The following PRDM10 variants were observed in gnomAD, a reference collection of about 807,000 sequenced individuals.
PRDM10 encodes PR/SET domain 10, also known as PR domain zinc finger protein 10.
PRDM10 carries 65 observed loss-of-function variants against 133.1 expected under a neutral mutation model. The ratio of observed to expected loss-of-function variants is 0.49; its 90% CI spans 0.40 to 0.60. PRDM10 has a LOEUF of 0.60. Ranked by LOEUF, PRDM10 falls within the 20% of genes least tolerant of loss-of-function variation. The probability of loss-of-function intolerance (pLI) is 0.00; values close to 1 mark genes in which losing one functional copy is unlikely to be tolerated. For missense variants in PRDM10, 1,137 were observed against 1,507.1 expected, an observed-to-expected ratio of 0.75 and a Z score of 4.07; for synonymous variants, 582 against 580.4, an observed-to-expected ratio of 1.00 and a Z score of -0.04.
chr11:129,929,415 G>T, intron 11 of PRDM10: 1 of 1,566,096 alleles, frequency 6.4e-7, no homozygotes. Context: ...CCTACCTGCA[G>T]CTCCAACTGA....
intron 1 of PRDM10, among the ~76,000 whole-genome samples, chr11:129,973,496 T>C (rs1048096457): frequency 2.0e-5 from 3 of 152,230 alleles, no homozygotes; most frequent in Non-Finnish European, 2.9e-5. Context: ...ATTTTGAATG[T>C]ATACTCCCTT....
chr11:129,970,354 G>C (rs1442292114), intron 1 of PRDM10, among the ~76,000 whole-genome samples: 1 of 152,092 alleles, frequency 6.6e-6, no homozygotes, highest in Non-Finnish European at 1.5e-5. Context: ...GAGGCGAAGC[G>C]ACTTTGCCTG....
intron 1 of PRDM10, among the ~76,000 whole-genome samples, chr11:129,964,461 T>C (rs1448491573): frequency 6.6e-6 from 1 of 152,248 alleles, no homozygotes; most frequent in Non-Finnish European, 1.5e-5. Flanking sequence ...TTATTGTATT[T>C]TCTTCCAAAA....
rs71057991 is a variant in PRDM10 at position 129,977,255 on chromosome 11, TACACACACACACAC to T, written c.-118-16187_-118-16174del. Among the ~76,000 whole-genome samples the T allele has an allele frequency of 4.2e-4, 55 of 132,490 alleles. 1 individual carries two copies. Among genetic ancestry groups the T allele is most frequent in the South Asian group, 2.4e-3 (9 of 3,786 alleles). The allele number at this position is 132,490 out of a possible 152,430, so 86.9% of individuals were successfully genotyped here. A position where few individuals can be genotyped will look rare whatever the true frequency, so the allele number is the denominator to read the frequency against. On this transcript the variant is annotated intron_variant, in intron 1 of 20. Transcript: ENST00000360871. ...TTGGAGCAGAATAACATGACTAAAA[TACACACACACACAC>T]ACACACACACACACACACACACACA...
chr11:129,966,610 C>T (rs1951912350), intron 1 of PRDM10, among the ~76,000 whole-genome samples: 1 of 152,168 alleles, frequency 6.6e-6, no homozygotes, highest in Non-Finnish European at 1.5e-5. Flanking sequence ...ATTAGAGAAG[C>T]AAATATCTAC....
In PRDM10 at chr11:129,912,480, C is replaced by A. The variant is rs944084776; in HGVS notation, c.2842-255G>T. Among the ~76,000 whole-genome samples, 10 of 151,792 alleles carry A rather than the reference C, an allele frequency of 6.6e-5. 1 individual carries two copies. The South Asian group carries it at 2.1e-3, about 32-fold the overall frequency. ...ATTAGTCAGGTGAATGGCCGGGCGC[C>A]GTGGCTCACGCCTGTAATCCCAGCA... On this transcript the variant is annotated intron_variant, in intron 17 of 20. Coordinates refer to ENST00000360871, the MANE Select transcript of PRDM10 (RefSeq NM_199437.2).
chr11:129,975,363 T>G (rs1937703137), intron 1 of PRDM10, among the ~76,000 whole-genome samples: 1 of 151,670 alleles, frequency 6.6e-6, no homozygotes, highest in Non-Finnish European at 1.5e-5. Context: ...AGGCGGAGGT[T>G]GCAGTGAGCT....
chr11:129,902,563 G>C, intron 20 of PRDM10, 47 bp from the exon 21 acceptor site: 1 of 1,583,440 alleles, frequency 6.3e-7, no homozygotes, highest in South Asian at 1.1e-5. Flanking sequence ...GCCTTAAAGG[G>C]AGGGTGAAGC....
At chr11:129,948,891 C>A (rs1443477930) in intron 4 of PRDM10, among the ~76,000 whole-genome samples, 1 of 152,196 alleles carries the variant, frequency 6.6e-6, no homozygotes, top group Non-Finnish European at 1.5e-5. Flanking sequence ...TTGCAGATAA[C>A]TAAAATATCT....
intron 1 of PRDM10, among the ~76,000 whole-genome samples, chr11:129,983,466 G>A (rs1938234891): frequency 6.6e-6 from 1 of 151,700 alleles, no homozygotes; most frequent in African/African-American, 2.4e-5. Context: ...AGCTAATTTT[G>A]TTTTTGTATT....
chr11:129,996,758 C>T (rs7124927), intron 1 of PRDM10, among the ~76,000 whole-genome samples: 20,093 of 152,088 alleles, frequency 0.13, 1,833 homozygotes, highest in African/African-American at 0.26. Context: ...CCAGTTTGAC[C>T]GAAGTGGCGG....
intron 17 of PRDM10, chr11:129,914,455 TGC>T: frequency 1.8e-6 from 1 of 570,320 alleles, no homozygotes; most frequent in Non-Finnish European, 3.1e-6. Context: ...GCTACTGTCC[TGC>T]CACAGCACAG....
At chr11:129,940,295 T>C (rs1423624499) in intron 7 of PRDM10, among the ~76,000 whole-genome samples, 1 of 152,170 alleles carries the variant, frequency 6.6e-6, no homozygotes, top group East Asian at 1.9e-4. Context: ...GGTATCAGGG[T>C]CAGTGAAATA....
intron 1 of PRDM10, among the ~76,000 whole-genome samples, chr11:129,999,793 T>C (rs1409927856): frequency 6.6e-6 from 1 of 152,196 alleles, no homozygotes; most frequent in Non-Finnish European, 1.5e-5. Context: ...CAAAATATTA[T>C]AATTCTTTTA....
chr11:129,925,731 C>A (rs1389810235), intron 11 of PRDM10, among the ~76,000 whole-genome samples: 2 of 145,564 alleles, frequency 1.4e-5, no homozygotes, highest in African/African-American at 5.2e-5. Flanking sequence ...AACAAAAAAA[C>A]AATAAAAAGA....
intron 1 of PRDM10, among the ~76,000 whole-genome samples, chr11:129,970,302 A>C (rs746334469): frequency 3.3e-5 from 5 of 152,252 alleles, no homozygotes; most frequent in Admixed American, 6.5e-5. Flanking sequence ...TGAAGTAGGC[A>C]CATTATATCT....
At chr11:129,955,871 A>G (rs1269094242) in intron 3 of PRDM10, among the ~76,000 whole-genome samples, 1 of 152,252 alleles carries the variant, frequency 6.6e-6, no homozygotes, top group Non-Finnish European at 1.5e-5. Flanking sequence ...TTAAAAAGGC[A>G]TCTCATGAAA....
chr11:129,905,164 T>C (rs557947938), intron 20 of PRDM10, among the ~76,000 whole-genome samples: 2 of 151,870 alleles, frequency 1.3e-5, no homozygotes, highest in Admixed American at 6.6e-5. Context: ...GAGATCAAGA[T>C]CATACTGGCC....
rs1950580131 is a variant in PRDM10 at position 129,923,640 on chromosome 11, A to AAATG, written c.1879-238_1879-237insCATT. On this transcript the variant is annotated intron_variant, in intron 12 of 20. Transcript: ENST00000360871. The surrounding 1 kb of genome is among the most constrained non-coding windows in gnomAD (Gnocchi z 4.4). ...ATCCGAACCTCCCCGATGACTTGAAACGTGAGAGAGAGAGAGAGAGAGAGA... is the reference window on the plus strand; with the variant it reads ...ATCCGAACCTCCCCGATGACTTGAAAAATGCGTGAGAGAGAGAGAGAGAGAGAGA... 1.7e-5 allele frequency among the ~76,000 whole-genome samples: 1 copy of AAATG among 59,464 alleles called. No homozygotes were observed. Among genetic ancestry groups the AAATG allele is most frequent in the Non-Finnish European group, 3.0e-5 (1 of 33,482 alleles). The allele number at this position is 59,464 out of a possible 152,430, so 39.0% of individuals were successfully genotyped here.
Sources: gnomAD v4.1 joint callset for allele counts (sites outside exome capture counted in the v4.1 genomes callset) on GRCh38, gnomAD v4.1.1 for gene constraint, Gnocchi (gnomAD v3.1) non-coding constraint, MANE v1.5 for transcripts, NCBI Gene and HGNC (gene_info 2026-07-23, HGNC 2026-07-21) for gene names.